The following OSBPL8 variants were observed in gnomAD, a reference collection of about 807,000 sequenced individuals.
OSBPL8 encodes oxysterol-binding protein-related protein 8.
OSBPL8 carries 59 observed loss-of-function variants against 125.5 expected under a neutral mutation model. The ratio of observed to expected loss-of-function variants is 0.47; its 90% CI spans 0.38 to 0.58. OSBPL8 has a LOEUF of 0.58. OSBPL8 is among the 20% of genes least tolerant of loss of function. The pLI is 0.00. For synonymous variants in OSBPL8, 330 were observed against 338.9 expected (o/e 0.97, Z 0.29); for missense variants, 758 against 1,047.8 (o/e 0.72, Z 3.82).
At chr12:76,553,923 G>A (rs1394862819) in intron 1 of OSBPL8, among the ~76,000 whole-genome samples, 1 of 128,468 alleles carries the variant, frequency 7.8e-6, no homozygotes, top group African/African-American at 3.0e-5. Flanking sequence ...GTTGCAGTGA[G>A]CCAAGATCAC....
intron 2 of OSBPL8, chr12:76,485,893 C>A: frequency 1.9e-5 from 5 of 266,638 alleles, no homozygotes; most frequent in South Asian, 1.1e-4. Flanking sequence ...ACTAGAAGAC[C>A]AAAAGTATTT....
At position 76,475,462 on chromosome 12, in the gene OSBPL8, GT is replaced by G. The variant is rs1384447610; in HGVS notation, c.42+12047del. ...CTACACTGAGTAAATGACACAGTCT[GT>G]TTTTTCAGGTGGTCCCTTAATAGTT... On this transcript the variant is annotated intron_variant, in intron 2 of 23. Transcript: ENST00000261183. Among the ~76,000 whole-genome samples, 4 of 152,282 alleles carry G rather than the reference GT, an allele frequency of 2.6e-5. No homozygotes were observed. The South Asian group carries it at 8.3e-4, about 32-fold the overall frequency.
intron 3 of OSBPL8, among the ~76,000 whole-genome samples, chr12:76,455,247 A>G (rs935570367): frequency 2.0e-5 from 3 of 152,136 alleles, no homozygotes; most frequent in African/African-American, 7.2e-5. Context: ...TATCTAAAAA[A>G]AAAAAAAGCA....
chr12:76,447,138 T>C (rs1165968045), intron 4 of OSBPL8, among the ~76,000 whole-genome samples: 2 of 152,216 alleles, frequency 1.3e-5, no homozygotes, highest in Admixed American at 1.3e-4. Context: ...TTAATGATCA[T>C]CAAAGGATTC....
chr12:76,489,305 A>G (rs1389153523), intron 1 of OSBPL8, among the ~76,000 whole-genome samples: 1 of 152,248 alleles, frequency 6.6e-6, no homozygotes, highest in Non-Finnish European at 1.5e-5. Context: ...ACAGGTTTTC[A>G]ATATAGATGA....
rs1250104374 is a variant in OSBPL8 at position 76,352,662 on chromosome 12, T to TG, written c.*3226dup. 1 of 152,582 alleles carries TG rather than the reference T, an allele frequency of 6.6e-6. No homozygotes were observed. Among genetic ancestry groups the TG allele is most frequent in the African/African-American group, 2.4e-5 (1 of 41,466 alleles). 9.5% of individuals were successfully genotyped at this position (152,582 alleles called of 1,614,324 possible). A position where few individuals can be genotyped will look rare whatever the true frequency, so the allele number is the denominator to read the frequency against. The stretch of plus-strand genomic sequence containing the variant: ...TGATTCAATATAATCTGCAGTCTCA[T>TG]GTATGGCTTATCAATAATGCCATCA... On this transcript the variant is annotated 3_prime_UTR_variant, in exon 24 of 24. Coordinates refer to ENST00000261183, the MANE Select transcript of OSBPL8 (RefSeq NM_020841.5).
intron 6 of OSBPL8, among the ~76,000 whole-genome samples, chr12:76,401,394 A>G (rs1954047361): frequency 6.6e-6 from 1 of 152,238 alleles, no homozygotes; most frequent in Admixed American, 6.5e-5. Context: ...AAATAATAAG[A>G]GAGCTAACCC....
At chr12:76,392,779 T>C in intron 9 of OSBPL8, 27 bp from the exon 10 acceptor site, 14 of 1,551,948 alleles carry the variant, frequency 9.0e-6, no homozygotes, top group Non-Finnish European at 1.1e-5. Flanking sequence ...TCATAAGCAC[T>C]ATAATTTTTA....
chr12:76,550,349 A>G (rs1204672548), intron 1 of OSBPL8, among the ~76,000 whole-genome samples: 1 of 152,224 alleles, frequency 6.6e-6, no homozygotes, highest in East Asian at 1.9e-4. Context: ...TAATCATCTA[A>G]GCACATTATC....
chr12:76,523,219 A>C (rs1950071947), intron 1 of OSBPL8, among the ~76,000 whole-genome samples: 1 of 152,132 alleles, frequency 6.6e-6, no homozygotes, highest in Non-Finnish European at 1.5e-5. Context: ...ATTAACCATA[A>C]ACTTATTTTT....
chr12:76,496,811 G>A (rs1879325779), intron 1 of OSBPL8, among the ~76,000 whole-genome samples: 2 of 152,140 alleles, frequency 1.3e-5, no homozygotes, highest in Admixed American at 1.3e-4. Context: ...CAAAGTATTA[G>A]GATTACAGGT....
rs999883982 is a variant in OSBPL8 at position 76,419,307 on chromosome 12, A to G, written c.218-8673T>C. ...TATTTATAGTGTACCTACCTGTTACATAACACATTGCATTTAGGGATAAAA... is the reference window on the plus strand; with the variant it reads ...TATTTATAGTGTACCTACCTGTTACGTAACACATTGCATTTAGGGATAAAA... On this transcript the variant is annotated intron_variant, in intron 4 of 23. Coordinates refer to ENST00000261183, the MANE Select transcript of OSBPL8 (RefSeq NM_020841.5). Among the ~76,000 whole-genome samples, 6 of 152,338 alleles carry G rather than the reference A, an allele frequency of 3.9e-5. No individual in the cohort carries two copies. The South Asian group carries it at 6.2e-4, about 16-fold the overall frequency.
At chr12:76,502,758 T>C (rs903076702) in intron 1 of OSBPL8, among the ~76,000 whole-genome samples, 39 of 152,262 alleles carry the variant, frequency 2.6e-4, no homozygotes, top group African/African-American at 8.9e-4. Context: ...TTGAGGTACT[T>C]GCTGAGGGTA....
intron 19 of OSBPL8, 80 bp from the exon 20 acceptor site, chr12:76,369,902 T>A: frequency 7.8e-7 from 1 of 1,290,060 alleles, no homozygotes; most frequent in Non-Finnish European, 1.0e-6. Context: ...CTCAAATCCC[T>A]TGTAGAGAAA....
At chr12:76,482,168 A>G (rs1877571363) in intron 2 of OSBPL8, among the ~76,000 whole-genome samples, 1 of 152,262 alleles carries the variant, frequency 6.6e-6, no homozygotes, top group Non-Finnish European at 1.5e-5. Flanking sequence ...AGCATAAAAA[A>G]GATTCATACA....
At chr12:76,426,547 TA>T (rs773863705) in intron 4 of OSBPL8, among the ~76,000 whole-genome samples, 22 of 152,106 alleles carry the variant, frequency 1.4e-4, no homozygotes, top group Non-Finnish European at 2.9e-4. Context: ...AGAAGGCATG[TA>T]AAGGGGAAGA....
chr12:76,497,879 T>C (rs964344844), intron 1 of OSBPL8, among the ~76,000 whole-genome samples: 17 of 152,328 alleles, frequency 1.1e-4, no homozygotes, highest in Non-Finnish European at 2.2e-4. Context: ...TTGGGCATTT[T>C]TATATCAAAA....
chr12:76,424,359 T>G (rs1439301560), intron 4 of OSBPL8, among the ~76,000 whole-genome samples: 12 of 152,144 alleles, frequency 7.9e-5, no homozygotes, highest in Non-Finnish European at 1.5e-5. Flanking sequence ...TCAAAATCAA[T>G]TAATGGAGAA....
chr12:76,508,905 AATAAGT>A (rs1024621643), intron 1 of OSBPL8, among the ~76,000 whole-genome samples: 2 of 152,208 alleles, frequency 1.3e-5, no homozygotes, highest in African/African-American at 4.8e-5. Flanking sequence ...AAGAAGTAAC[AATAAGT>A]ATAAGTAGAT....
Sources: allele counts gnomAD v4.1 joint callset (sites outside exome capture counted in the v4.1 genomes callset), GRCh38; gene constraint gnomAD v4.1.1; transcripts MANE v1.5; gene names NCBI Gene and HGNC (gene_info 2026-07-23, HGNC 2026-07-21).